Variants in MCC observed in about 807,000 individuals in gnomAD.
The protein encoded by MCC is colorectal mutant cancer protein.
A neutral mutation model predicts 116.2 loss-of-function variants in MCC; 90 were observed. That is an observed-to-expected ratio of 0.77 (90% confidence interval 0.65 to 0.92). The LOEUF (loss-of-function observed/expected upper bound fraction) is 0.92, where lower values mean the gene tolerates loss of function less well. MCC is among the 40% of genes least tolerant of loss of function. MCC has a pLI of 0.00. For missense variants in MCC, 1,516 were observed against 1,312.2 expected, an observed-to-expected ratio of 1.16 and a Z score of -2.40; for synonymous variants, 578 against 510.5, an observed-to-expected ratio of 1.13 and a Z score of -1.78.
At chr5:113,103,471 C>T (rs563740640) in intron 7 of MCC, among the ~76,000 whole-genome samples, 1 of 152,348 alleles carries the variant, frequency 6.6e-6, no homozygotes, top group East Asian at 1.9e-4. Flanking sequence ...CTGCCCTGAA[C>T]TACATCAACT....
chr5:113,158,216 T>C (rs1396683927), intron 3 of MCC, among the ~76,000 whole-genome samples: 1 of 152,260 alleles, frequency 6.6e-6, no homozygotes, highest in Admixed American at 6.5e-5. Context: ...GGGACTACTG[T>C]ACTATTCTGT....
intron 3 of MCC, among the ~76,000 whole-genome samples, chr5:113,280,275 C>G (rs1367128415): frequency 6.6e-6 from 1 of 152,184 alleles, no homozygotes; most frequent in Non-Finnish European, 1.5e-5. Flanking sequence ...GTGGTGGGTT[C>G]CAGGGGCTCA....
At chr5:113,480,706 T>C (rs1348001518) in intron 1 of MCC, among the ~76,000 whole-genome samples, 14 of 152,190 alleles carry the variant, frequency 9.2e-5, no homozygotes, top group Admixed American at 9.2e-4. Context: ...GTCACAGAGG[T>C]TGATGTGAAA....
chr5:113,312,995 C>T (rs1008302807), intron 3 of MCC, among the ~76,000 whole-genome samples: 18 of 152,032 alleles, frequency 1.2e-4, no homozygotes, highest in Non-Finnish European at 2.5e-4. Context: ...GGAAGAGAGA[C>T]ACACAAAAAA....
In MCC at chr5:113,049,275, G is replaced by C. The variant is rs1480756735; in HGVS notation, c.2473C>G (p.Gln825Glu). The stretch of plus-strand genomic sequence containing the variant: ...TTCTCTTTCTCCAGTAGGTAGAGCT[G>C]GGCCTTCAACTCGGCCATCTCCTCC... ...MKEEMAELKA[Q>E]LYLLEKEKKA... is the part of the protein sequence containing the mutation. Residue 825 changes from glutamine to glutamate, a missense_variant, in exon 16 of 19, where the codon CAG becomes GAG. Gln to Glu is a conservative substitution (Grantham distance 29, BLOSUM62 2). Transcript: ENST00000408903. 1 of 1,606,636 alleles carries C rather than the reference G, an allele frequency of 6.2e-7. No individual in the cohort carries two copies. Among genetic ancestry groups the C allele is most frequent in the Non-Finnish European group, 8.5e-7 (1 of 1,176,268 alleles).
chr5:113,368,509 T>C (rs1768757142), intron 2 of MCC, among the ~76,000 whole-genome samples: 1 of 152,218 alleles, frequency 6.6e-6, no homozygotes. Flanking sequence ...TTCTTTCCTA[T>C]GTTCTATTTC....
At chr5:113,227,456 C>A (rs376633438) in intron 3 of MCC, among the ~76,000 whole-genome samples, 1 of 152,138 alleles carries the variant, frequency 6.6e-6, no homozygotes, top group African/African-American at 2.4e-5. Context: ...TATAGTAACT[C>A]GAATTATTTA....
At chr5:113,062,438 G>A (rs79611058) in intron 14 of MCC, among the ~76,000 whole-genome samples, 1 of 152,122 alleles carries the variant, frequency 6.6e-6, no homozygotes, top group Non-Finnish European at 1.5e-5. Flanking sequence ...TCTTTTTGGG[G>A]GTAGGGAGGT....
chr5:113,141,456 C>T (rs1015650952), intron 5 of MCC, among the ~76,000 whole-genome samples: 2 of 152,192 alleles, frequency 1.3e-5, no homozygotes, highest in Non-Finnish European at 2.9e-5. Context: ...TCTGTCTCTA[C>T]GTTCTATTGG....
At chr5:113,162,693 ATCACCATGTTGCCCAGGCTGGTC>A (rs1554060721) in intron 3 of MCC, among the ~76,000 whole-genome samples, 1 of 152,024 alleles carries the variant, frequency 6.6e-6, no homozygotes, top group Non-Finnish European at 1.5e-5. Context: ...GAGATGGGGT[ATCACCATGTTGCCCAGGCTGGTC>A]TCAAACTCCT....
chr5:113,322,790 T>C (rs1161368852), intron 3 of MCC, among the ~76,000 whole-genome samples: 1 of 152,034 alleles, frequency 6.6e-6, no homozygotes, highest in Non-Finnish European at 1.5e-5. Context: ...AAGTAAGCAA[T>C]GAATTGGTAA....
At chr5:113,383,129 C>T (rs1467483571) in intron 2 of MCC, among the ~76,000 whole-genome samples, 4 of 148,428 alleles carry the variant, frequency 2.7e-5, no homozygotes, top group African/African-American at 7.3e-5. Flanking sequence ...ATCTACTACA[C>T]ATAAACAATT....
intron 14 of MCC, among the ~76,000 whole-genome samples, chr5:113,059,813 C>T (rs957607409): frequency 2.6e-5 from 4 of 152,178 alleles, no homozygotes; most frequent in Admixed American, 6.6e-5. Context: ...GGTGGGAATG[C>T]GGGGCTGGCT....
Position 113,228,012 on chromosome 5 carries a change from C to A in MCC, c.628-76590G>T, listed in dbSNP as rs146803034. Reference sequence around the variant, plus strand: ...TAGCAACAGATGATGCTACTGTCAACGAAATCACAAGGTATATGCTTTAGC... The same window carrying A: ...TAGCAACAGATGATGCTACTGTCAAAGAAATCACAAGGTATATGCTTTAGC... On this transcript the variant is annotated intron_variant, in intron 3 of 18. Coordinates refer to ENST00000408903, the MANE Select transcript of MCC (RefSeq NM_001085377.2). Among the ~76,000 whole-genome samples, 3 of 152,176 alleles carry A rather than the reference C, an allele frequency of 2.0e-5. No homozygotes were observed. The East Asian group carries it at 5.8e-4, about 29-fold the overall frequency.
At chr5:113,307,287 T>A (rs1328914131) in intron 3 of MCC, among the ~76,000 whole-genome samples, 1 of 152,240 alleles carries the variant, frequency 6.6e-6, no homozygotes, top group Non-Finnish European at 1.5e-5. Context: ...TGAACATAGG[T>A]GTCTTTTCGT....
intron 3 of MCC, among the ~76,000 whole-genome samples, chr5:113,175,672 G>C (rs746543015): frequency 2.8e-4 from 43 of 152,126 alleles, no homozygotes; most frequent in Middle Eastern, 3.2e-3. Flanking sequence ...ATTTGTATTA[G>C]ATTGTAAATA....
intron 8 of MCC, among the ~76,000 whole-genome samples, chr5:113,094,811 C>T (rs1755906635): frequency 6.6e-6 from 1 of 152,188 alleles, no homozygotes; most frequent in South Asian, 2.1e-4. Context: ...CTGGCCTCCT[C>T]ATAGGCACAT....
Position 113,085,246 on chromosome 5 carries a change from A to G in MCC, c.1463T>C (p.Leu488Pro), listed in dbSNP as rs1755126335. 6.2e-7 allele frequency: 1 copy of G among 1,614,154 alleles called. No homozygotes were observed. The stretch of plus-strand genomic sequence containing the variant: ...GTTAATCGGGCGGTTGGTGGAAGTG[A>G]GGCGGCCAGGGCTGGAGGGACCTGT... ...QATGPSSPGR[L>P]TSTNRPINPS... The change falls in exon 9 of 19, where the codon CTC becomes CCC. Residue 488 changes from leucine (L) to proline (P), a missense_variant. Physicochemically the swap from Leu to Pro is moderately conservative, Grantham distance 98. Transcript: ENST00000408903.
At chr5:113,363,259 G>A (rs546903071) in intron 2 of MCC, among the ~76,000 whole-genome samples, 35 of 152,328 alleles carry the variant, frequency 2.3e-4, no homozygotes, top group African/African-American at 7.7e-4. Context: ...CCTGGCGACA[G>A]AGCGAGACTC....
Sources: allele counts gnomAD v4.1 joint callset (sites outside exome capture counted in the v4.1 genomes callset), GRCh38; gene constraint gnomAD v4.1.1; transcripts MANE v1.5; gene names NCBI Gene and HGNC (gene_info 2026-07-23, HGNC 2026-07-21).